The following SHANK2 variants were observed in gnomAD, a reference collection of about 807,000 sequenced individuals.
SHANK2 encodes the protein SH3 and multiple ankyrin repeat domains protein 2.
In SHANK2, 43 loss-of-function variants were observed where a neutral mutation model predicts 133.7. The ratio of observed to expected loss-of-function variants is 0.32; its 90% CI spans 0.25 to 0.41. The LOEUF (loss-of-function observed/expected upper bound fraction) is 0.41, where lower values mean the gene tolerates loss of function less well. Ranked by LOEUF, SHANK2 falls within the 10% of genes least tolerant of loss-of-function variation. The pLI is 1.00. For missense variants in SHANK2, 1,994 were observed against 2,235.8 expected, an observed-to-expected ratio of 0.89 and a Z score of 2.18; for synonymous variants, 1,017 against 952.8, an observed-to-expected ratio of 1.07 and a Z score of -1.24.
intron 11 of SHANK2, among the ~76,000 whole-genome samples, chr11:70,851,289 G>A (rs1555065383): frequency 1.3e-5 from 2 of 152,190 alleles, no homozygotes; most frequent in African/African-American, 4.8e-5. Context: ...CTGTTCTCCT[G>A]TCTTCCTCTG....
At chr11:71,251,068 C>T (rs782806619) in intron 1 of SHANK2, among the ~76,000 whole-genome samples, 1 of 152,144 alleles carries the variant, frequency 6.6e-6, no homozygotes, top group Non-Finnish European at 1.5e-5. Flanking sequence ...CTGCCAGCCC[C>T]CGAGAGCCTT....
chr11:70,945,159 TG>T (rs1435542190), intron 10 of SHANK2, among the ~76,000 whole-genome samples: 1 of 152,114 alleles, frequency 6.6e-6, no homozygotes, highest in Non-Finnish European at 1.5e-5. Context: ...AAATTGTGTA[TG>T]GGCGGCTCTT....
At chr11:70,755,516 G>A (rs76812557) in intron 14 of SHANK2, among the ~76,000 whole-genome samples, 2,873 of 152,312 alleles carry the variant, frequency 0.019, 34 homozygotes, top group Non-Finnish European at 0.03. Context: ...GTGGGCACCC[G>A]GGCAGAGCCA....
chr11:70,825,778 T>TC (rs1468590183), intron 11 of SHANK2, among the ~76,000 whole-genome samples: 19 of 151,834 alleles, frequency 1.3e-4, no homozygotes, highest in African/African-American at 4.6e-4. Context: ...AAATGATGAT[T>TC]TTTTTTTGTG....
chr11:71,074,236 G>A (rs1447160455), intron 9 of SHANK2, among the ~76,000 whole-genome samples: 5 of 152,196 alleles, frequency 3.3e-5, no homozygotes, highest in East Asian at 1.9e-4. Flanking sequence ...CCACTGCAGC[G>A]TGTGAGAAAC....
At chr11:70,568,646 G>GGCCCCCCCCC (rs2059999450) in intron 17 of SHANK2, among the ~76,000 whole-genome samples, 3 of 80,042 alleles carry the variant, frequency 3.7e-5, no homozygotes, top group African/African-American at 3.9e-5. Context: ...GCGGATTCCT[G>GGCCCCCCCCC]CCCCCCCCGC....
rs75205819 is a variant in SHANK2, at chr11:70,700,550, G to T, written c.1778-1787C>A. 9.4e-3 allele frequency among the ~76,000 whole-genome samples: 1,425 copies of T among 152,244 alleles called. 24 individuals are homozygous for T. Among genetic ancestry groups the T allele is most frequent in the African/African-American group, 0.033 (1,375 of 41,528 alleles). On this transcript the variant is annotated intron_variant, in intron 14 of 25. Coordinates refer to ENST00000601538, the MANE Select transcript of SHANK2 (RefSeq NM_012309.5). Reference sequence around the variant, plus strand: ...ACAGGGCCCTCACCAAGCCAGCACCGGTCCAGCCAAGCTGCACACACCTCC... The same window carrying T: ...ACAGGGCCCTCACCAAGCCAGCACCTGTCCAGCCAAGCTGCACACACCTCC...
chr11:70,515,472 A>T (rs1047213408), intron 17 of SHANK2, among the ~76,000 whole-genome samples: 1 of 151,980 alleles, frequency 6.6e-6, no homozygotes, highest in African/African-American at 2.4e-5. Context: ...TTTCTGAGAA[A>T]TTCTTTTCAA....
At chr11:71,197,244 C>T (rs1278525456) in intron 2 of SHANK2, among the ~76,000 whole-genome samples, 2 of 152,100 alleles carry the variant, frequency 1.3e-5, no homozygotes, top group Admixed American at 1.3e-4. Flanking sequence ...TCATTTCCTT[C>T]CCCCCAGTGT....
At chr11:70,818,817 C>T (rs782355823) in intron 12 of SHANK2, among the ~76,000 whole-genome samples, 11 of 152,208 alleles carry the variant, frequency 7.2e-5, no homozygotes, top group East Asian at 1.9e-4. Flanking sequence ...GGGCTCTCAC[C>T]GGCATGTTCT....
At chr11:71,222,601 C>T (rs1315586184) in intron 2 of SHANK2, among the ~76,000 whole-genome samples, 1 of 152,202 alleles carries the variant, frequency 6.6e-6, no homozygotes, top group African/African-American at 2.4e-5. Context: ...GCCCCAGCCC[C>T]GGGAGAGAGA....
rs533392267 is a variant in SHANK2 at position 71,172,990 on chromosome 11, G to A, written c.-12-25652C>T. On this transcript the variant is annotated intron_variant, in intron 2 of 25. Coordinates refer to ENST00000601538, the MANE Select transcript of SHANK2 (RefSeq NM_012309.5). ...CTCTGGCCTCCGGGGCCATTGGGCT[G>A]CTGGAGGCTGAGAAGTGGGCATCCC... Among the ~76,000 whole-genome samples the A allele has an allele frequency of 2.0e-5, 3 of 152,362 alleles. No homozygotes were observed. The East Asian group carries it at 5.8e-4, about 29-fold the overall frequency.
intron 6 of SHANK2, among the ~76,000 whole-genome samples, chr11:71,095,826 C>T (rs1490007131): frequency 2.0e-5 from 3 of 152,240 alleles, no homozygotes; most frequent in Non-Finnish European, 4.4e-5. Flanking sequence ...TGCTTAACCC[C>T]TCCATGTCAG....
At chr11:71,061,136 C>T (rs968086897) in intron 9 of SHANK2, among the ~76,000 whole-genome samples, 3 of 152,260 alleles carry the variant, frequency 2.0e-5, no homozygotes, top group African/African-American at 2.4e-5. Context: ...TGCAGGCCTG[C>T]TTACTTCATT....
chr11:70,568,911 G>T (rs2060006902), intron 17 of SHANK2, among the ~76,000 whole-genome samples: 2 of 152,158 alleles, frequency 1.3e-5, no homozygotes, highest in African/African-American at 4.8e-5. Context: ...AGATGGCTGA[G>T]AAGCCTGCCT....
intron 15 of SHANK2, among the ~76,000 whole-genome samples, chr11:70,669,955 A>G (rs1591729854): frequency 6.6e-6 from 1 of 152,236 alleles, no homozygotes; most frequent in Admixed American, 6.5e-5. Context: ...AATGTTTTTC[A>G]TGGCAGAAAG....
chr11:70,785,557 G>C (rs972859790), intron 14 of SHANK2, among the ~76,000 whole-genome samples: 1 of 152,358 alleles, frequency 6.6e-6, no homozygotes, highest in South Asian at 2.1e-4. Flanking sequence ...AGGGAGAGGA[G>C]TCTGTTCCCA....
At chr11:70,483,560 AAAT>A (rs1200892406) in intron 25 of SHANK2, among the ~76,000 whole-genome samples, 6 of 151,032 alleles carry the variant, frequency 4.0e-5, no homozygotes, top group African/African-American at 1.2e-4. Flanking sequence ...AAAAAAAAAA[AAAT>A]AGCTGGGTGT....
chr11:70,523,131 C>T (rs565073298), intron 17 of SHANK2, among the ~76,000 whole-genome samples: 3 of 152,216 alleles, frequency 2.0e-5, no homozygotes, highest in Non-Finnish European at 4.4e-5. Context: ...CATCAAAGCA[C>T]GCGGGTGGCA....
Sources: gnomAD v4.1 joint callset for allele counts (sites outside exome capture counted in the v4.1 genomes callset) on GRCh38, gnomAD v4.1.1 for gene constraint, MANE v1.5 for transcripts, NCBI Gene and HGNC (gene_info 2026-07-23, HGNC 2026-07-21) for gene names.